The following CHKB variants were observed in gnomAD, a reference collection of about 807,000 sequenced individuals.
CHKB encodes choline kinase beta.
A neutral mutation model predicts 57.3 loss-of-function variants in CHKB; 45 were observed. That is an observed-to-expected ratio of 0.79 (90% CI 0.62 to 1.01). CHKB has a LOEUF of 1.01. Among genes scored for constraint, CHKB ranks in the 50% least tolerant of loss-of-function variants. CHKB has a pLI of 0.00. For synonymous variants in CHKB, 224 were observed against 201.8 expected, an observed-to-expected ratio of 1.11 and a Z score of -0.93; for missense variants, 517 against 502.8, an observed-to-expected ratio of 1.03 and a Z score of -0.27.
At chr22:50,582,411 C>G in intron 1 of CHKB, 54 bp from the exon 2 acceptor site, 1 of 1,484,892 alleles carries the variant, frequency 6.7e-7, no homozygotes, top group Non-Finnish European at 9.0e-7. Flanking sequence ...CCTGCCGCGG[C>G]CCCGGCCCCC....
chr22:50,581,231 C>G (rs1248055569), intron 4 of CHKB, among the ~76,000 whole-genome samples, 189 bp downstream of exon 4: 2 of 152,180 alleles, frequency 1.3e-5, no homozygotes, highest in African/African-American at 2.4e-5. Flanking sequence ...CACCTCGGCT[C>G]CCAAAGTTCT....
rs759957746 is a variant in CHKB at position 50,579,614 on chromosome 22, T to C, written c.1032-107A>G. On this transcript the variant is annotated intron_variant, in intron 9 of 10. Transcript: ENST00000406938. ...CCTACAGTTTTAACTTCTCCCCCACTGTCCTAACTCCACTCTCCACAGCCA... is the reference window on the plus strand; with the variant it reads ...CCTACAGTTTTAACTTCTCCCCCACCGTCCTAACTCCACTCTCCACAGCCA... The C allele has an allele frequency of 7.2e-4, 1,073 of 1,487,454 alleles. 1 individual carries two copies. Among genetic ancestry groups the C allele is most frequent in the Non-Finnish European group, 9.2e-4 (983 of 1,066,600 alleles). The allele number at this position is 1,487,454 out of a possible 1,614,324, so 92.1% of individuals were successfully genotyped here.
At position 50,579,644 on chromosome 22, in the gene CHKB, C is replaced by T. The variant is rs931273130; in HGVS notation, c.1031+83G>A. On this transcript the variant is annotated intron_variant, in intron 9 of 10. Coordinates refer to ENST00000406938, the MANE Select transcript of CHKB (RefSeq NM_005198.5). ...TAACTCCACTCTCCACAGCCACCTT[C>T]CCTGCAGCTTGATAAATCTGCCTCT... The T allele has an allele frequency of 5.2e-5, 78 of 1,506,304 alleles. No homozygotes were observed. In the Admixed American group the frequency reaches 1.3e-3, roughly 24 times the overall value. The allele number at this position is 1,506,304 out of a possible 1,614,324, so 93.3% of individuals were successfully genotyped here.
chr22:50,579,662 C>T (rs765886531), intron 9 of CHKB, 65 bp downstream of exon 9: 5 of 1,517,702 alleles, frequency 3.3e-6, no homozygotes, highest in Non-Finnish European at 4.6e-6. Flanking sequence ...CTTGATAAAT[C>T]TGCCTCTTCC....
Position 50,581,799 on chromosome 22 carries a change from G to A in CHKB, c.397C>T (p.Pro133Ser). 1 of 1,612,958 alleles carries A rather than the reference G, an allele frequency of 6.2e-7. No homozygotes were observed. Among genetic ancestry groups the A allele is most frequent in the Middle Eastern group, 1.7e-4 (1 of 6,060 alleles). The change falls in exon 3 of 11, where the codon CCC becomes TCC. Residue 133 changes from proline (P) to serine (S), a missense_variant. Coordinates refer to ENST00000406938, the MANE Select transcript of CHKB (RefSeq NM_005198.5). The stretch of plus-strand genomic sequence containing the variant: ...TCTGGGAAGACTCCGTACAGCTGGG[G>A]CCCCAGCGACCGCTCCGCAAGTATG... The part of the protein sequence containing the change: ...FAILAERSLG[P>S]QLYGVFPEGR...
In CHKB at chr22:50,582,638, T is replaced by G; in HGVS notation, c.144A>C (p.Arg48=). The change falls in exon 1 of 11, where the codon CGA becomes CGC. Residue 48 remains arginine (R), a synonymous_variant. Transcript: ENST00000406938. ...AGTACTCCCGGCACCATTGGTAGGC[T>G]CGGCGCTCGGCGTCACGCGACAGCG... ...ASSLSRDAER[R]AYQWCREYLG... is the part of the protein sequence containing the mutation. 3.7e-6 allele frequency: 6 copies of G among 1,610,854 alleles called. No individual in the cohort carries two copies. The highest frequency in any genetic ancestry group is 4.2e-6 in the Non-Finnish European group (5 of 1,179,380).
Position 50,580,677 on chromosome 22 carries a change from AG to A in CHKB, c.582-18del, listed in dbSNP as rs753767029. 1.9e-6 allele frequency: 3 copies of A among 1,612,088 alleles called. No homozygotes were observed. The highest frequency in any genetic ancestry group is 1.7e-6 in the Non-Finnish European group (2 of 1,178,408). ...TTTAGGTACCTGAAGCCCAAAGAAT[AG>A]GATACACTGGCTCTGCTATTCTTTC... On this transcript the variant is annotated intron_variant, in intron 4 of 10. Transcript: ENST00000406938.
Position 50,582,540 on chromosome 22 carries a change from T to C in CHKB, c.224+18A>G, listed in dbSNP as rs1200333027. On this transcript the variant is annotated intron_variant, in intron 1 of 10. Coordinates refer to ENST00000406938, the MANE Select transcript of CHKB (RefSeq NM_005198.5). ...ACCCCGATCCGCGCACCGGAGAGGCTGACCCCTGACCTCCCACCTCACGGG... is the reference window on the plus strand; with the variant it reads ...ACCCCGATCCGCGCACCGGAGAGGCCGACCCCTGACCTCCCACCTCACGGG... 2.5e-6 allele frequency: 4 copies of C among 1,599,714 alleles called. No individual in the cohort carries two copies. The highest frequency in any genetic ancestry group is 1.7e-6 in the Non-Finnish European group (2 of 1,174,242).
At position 50,582,275 on chromosome 22, in the gene CHKB, G is replaced by A. The variant is rs371960270; in HGVS notation, c.307C>T (p.Leu103=). ...TGCAAGATGGCTCCGTACAGCCGCAGAAGCACCTCCCGGGGCTCCTCGCCA... is the reference window on the plus strand; with the variant it reads ...TGCAAGATGGCTCCGTACAGCCGCAAAAGCACCTCCCGGGGCTCCTCGCCA... ...SVGEEPREVL[L]RLYGAILQGV... The change falls in exon 2 of 11, where the codon CTG becomes TTG. Residue 103 remains leucine, a synonymous_variant. Transcript: ENST00000406938. 15 of 1,594,200 alleles carry A rather than the reference G, an allele frequency of 9.4e-6. No homozygotes were observed. Among genetic ancestry groups the A allele is most frequent in the Non-Finnish European group, 1.1e-5 (13 of 1,172,620 alleles).
At chr22:50,579,391 C>G in intron 10 of CHKB, 35 bp downstream of exon 10, 1 of 1,601,478 alleles carries the variant, frequency 6.2e-7, no homozygotes. Context: ...CTCCCCAGCC[C>G]CCCAGCTAGC....
rs929019284 is a variant in CHKB at position 50,582,348 on chromosome 22, G to A, written c.234C>T (p.Leu78=). 4.5e-6 allele frequency: 7 copies of A among 1,561,924 alleles called. No individual in the cohort carries two copies. In the African/African-American group the frequency reaches 9.5e-5, roughly 21 times the overall value. Residue 78 remains leucine (L), a synonymous_variant, in exon 2 of 11, where the codon CTC becomes CTT. Coordinates refer to ENST00000406938, the MANE Select transcript of CHKB (RefSeq NM_005198.5). ...ELRVYPVSGG[L]SNLLFRCSLP... is the part of the protein sequence containing the mutation. ...GCGAGCAGCGGAAGAGCAGGTTGCT[G>A]AGGCCTCCGCTGCAGACCCACACCA...
Position 50,580,430 on chromosome 22 carries a change from G to C in CHKB, c.678-14C>G. ...TCTAGTAACTTCCTACAGGGGTATG[G>C]GAGCATGGGTCCTGAGCAGGAGTGA... On this transcript the variant is annotated splice_polypyrimidine_tract_variant and intron_variant, in intron 5 of 10. Transcript: ENST00000406938. 6.2e-7 allele frequency: 1 copy of C among 1,613,972 alleles called. No homozygotes were observed. The highest frequency in any genetic ancestry group is 8.5e-7 in the Non-Finnish European group (1 of 1,179,988).
rs1444277519 is a variant in CHKB at position 50,581,729 on chromosome 22, G to T, written c.447+20C>A. 6.2e-7 allele frequency: 1 copy of T among 1,607,428 alleles called. No individual in the cohort carries two copies. Among genetic ancestry groups the T allele is most frequent in the Admixed American group, 1.7e-5 (1 of 60,004 alleles). On this transcript the variant is annotated intron_variant, in intron 3 of 10. Coordinates refer to ENST00000406938, the MANE Select transcript of CHKB (RefSeq NM_005198.5). ...GGGTGGAGGTGCCTTGGGGAGGAGA[G>T]GGTAGGACTGGGCCCGTACTGGGAT...
At position 50,579,070 on chromosome 22, in the gene CHKB, A is replaced by T; in HGVS notation, c.*111T>A. Reference sequence around the variant, plus strand: ...GGAACAGGCCGGTCTCCTGAACCTCAGTTTCACTTGGGGGCTCAGCCCAGT... The same window carrying T: ...GGAACAGGCCGGTCTCCTGAACCTCTGTTTCACTTGGGGGCTCAGCCCAGT... On this transcript the variant is annotated 3_prime_UTR_variant, in exon 11 of 11. Transcript: ENST00000406938. 1 of 1,060,556 alleles carries T rather than the reference A, an allele frequency of 9.4e-7. No homozygotes were observed. The highest frequency in any genetic ancestry group is 1.4e-6 in the Non-Finnish European group (1 of 699,950). 65.7% of individuals were successfully genotyped at this position (1,060,556 alleles called of 1,614,324 possible).
Position 50,579,103 on chromosome 22 carries a change from G to A in CHKB, c.*78C>T, listed in dbSNP as rs2070609832. ...TTGGGGGCTCAGCCCAGTCGCCAGG[G>A]CCTTCTGCTCGTTGTTCCTCCCTCC... On this transcript the variant is annotated 3_prime_UTR_variant, in exon 11 of 11. Transcript: ENST00000406938. 4 of 1,390,456 alleles carry A rather than the reference G, an allele frequency of 2.9e-6. No homozygotes were observed. Among genetic ancestry groups the A allele is most frequent in the Non-Finnish European group, 4.0e-6 (4 of 994,714 alleles). 86.1% of individuals were successfully genotyped at this position (1,390,456 alleles called of 1,614,324 possible). A position where few individuals can be genotyped will look rare whatever the true frequency, so the allele number is the denominator to read the frequency against.
rs1346110970 is a variant in CHKB, at chr22:50,582,595, G to C, written c.187C>G (p.Arg63Gly). 6.2e-7 allele frequency: 1 copy of C among 1,610,296 alleles called. No individual in the cohort carries two copies. Among genetic ancestry groups the C allele is most frequent in the Non-Finnish European group, 8.5e-7 (1 of 1,178,992 alleles). Residue 63 changes from arginine (R) to glycine (G), a missense_variant, in exon 1 of 11, where the codon CGA becomes GGA. Transcript: ENST00000406938. The stretch of plus-strand genomic sequence containing the variant: ...ACCCTCAGCTCCTCGGGCTGCACTC[G>C]GCGCCAGGCCCCGCCCAAGTACTCC... ...CREYLGGAWR[R>G]VQPEELRVYP...
rs202048376 is a variant in CHKB at position 50,580,194 on chromosome 22, A to G, written c.814T>C (p.Tyr272His). The change falls in exon 7 of 11, where the codon TAT becomes CAT. Residue 272 changes from tyrosine to histidine, a missense_variant. Tyr to His is a moderately conservative substitution (Grantham distance 83). Transcript: ENST00000406938. ...AAGCCATCTTTCCAGCCTCACCTATAGTTATAACTGCTGTACTCGAAGTCC... is the reference window on the plus strand; with the variant it reads ...AAGCCATCTTTCCAGCCTCACCTATGGTTATAACTGCTGTACTCGAAGTCC... Reference protein sequence around the residue: ...LVDFEYSSYNYRGFDIGNHFC... With the variant: ...LVDFEYSSYNHRGFDIGNHFC... The G allele has an allele frequency of 6.2e-7, 1 of 1,613,770 alleles. No homozygotes were observed. Among genetic ancestry groups the G allele is most frequent in the East Asian group, 2.2e-5 (1 of 44,884 alleles).
chr22:50,580,067 C>T lies in CHKB; in HGVS notation c.834G>A (p.Gly278=), dbSNP rs1475443775. 7 of 1,613,842 alleles carry T rather than the reference C, an allele frequency of 4.3e-6. No individual in the cohort carries two copies. Among genetic ancestry groups the T allele is most frequent in the African/African-American group, 1.3e-5 (1 of 74,932 alleles). ...CATAAACCCACTCACAAAAATGGTT[C>T]CCAATGTCAAAGCCCCTGGGAGAAT... ...SSYNYRGFDI[G]NHFCEWVYDY... is the part of the protein sequence containing the mutation. Residue 278 remains glycine, a synonymous_variant, in exon 8 of 11, where the codon GGG becomes GGA. Transcript: ENST00000406938.
rs549810043 is a variant in CHKB at position 50,582,472 on chromosome 22, GC to G, written c.224+85del. 2.0e-4 allele frequency: 300 copies of G among 1,482,474 alleles called. 1 individual carries two copies. The African/African-American group carries it at 4.0e-3, about 20-fold the overall frequency. The allele number at this position is 1,482,474 out of a possible 1,614,324, so 91.8% of individuals were successfully genotyped here. ...CCCCAGGCGCGGGCGCAAGAGGGGG[GC>G]GAAAACATGGAGCATCCTGAGGGCC... On this transcript the variant is annotated intron_variant, in intron 1 of 10. Coordinates refer to ENST00000406938, the MANE Select transcript of CHKB (RefSeq NM_005198.5).
Sources: gnomAD v4.1 joint callset for allele counts (sites outside exome capture counted in the v4.1 genomes callset) on GRCh38, gnomAD v4.1.1 for gene constraint, MANE v1.5 for transcripts, NCBI Gene and HGNC (gene_info 2026-07-23, HGNC 2026-07-21) for gene names.